The following IPPK variants were observed in gnomAD, a reference collection of about 807,000 sequenced individuals.
The protein encoded by IPPK is IPK1 homolog.
IPPK carries 22 observed loss-of-function variants against 64.6 expected under a neutral mutation model. The observed-to-expected ratio is 0.34, with a 90% CI of 0.24 to 0.49. The LOEUF (loss-of-function observed/expected upper bound fraction) is 0.49. IPPK is among the 20% of genes least tolerant of loss of function. IPPK has a pLI of 0.99. For synonymous variants in IPPK, 262 were observed against 247.2 expected (o/e 1.06, Z -0.56); for missense variants, 532 against 630.7 (o/e 0.84, Z 1.68).
chr9:92,668,259 C>T (rs1044564209), intron 1 of IPPK, among the ~76,000 whole-genome samples: 1 of 152,158 alleles, frequency 6.6e-6, no homozygotes, highest in Non-Finnish European at 1.5e-5. Context: ...CAGAGTGAGA[C>T]CCCGTTTCTA....
chr9:92,644,818 G>A (rs2131445073), intron 6 of IPPK, among the ~76,000 whole-genome samples: 1 of 152,174 alleles, frequency 6.6e-6, no homozygotes, highest in South Asian at 2.1e-4. Flanking sequence ...TTCCAGAGGG[G>A]CCACATTATA....
intron 6 of IPPK, 40 bp downstream of exon 6, chr9:92,648,019 G>A (rs200886920): frequency 1.6e-5 from 23 of 1,416,764 alleles, no homozygotes; most frequent in Admixed American, 7.1e-5. Context: ...GATCCCCAGC[G>A]TGCAGCTAGA....
At chr9:92,629,084 C>A (rs1259308436) in intron 11 of IPPK, among the ~76,000 whole-genome samples, 2 of 151,860 alleles carry the variant, frequency 1.3e-5, no homozygotes, top group African/African-American at 4.8e-5. Context: ...CAAGACCCGA[C>A]CCTGTCTCTG....
At position 92,644,487 on chromosome 9, in the gene IPPK, C is replaced by T. The variant is rs1174945793; in HGVS notation, c.505-1677G>A. On this transcript the variant is annotated intron_variant, in intron 6 of 12. Coordinates refer to ENST00000287996, the MANE Select transcript of IPPK (RefSeq NM_022755.6). ...CTTATTTGACCTGTCTCTGGGTTCC[C>T]GGAAAGATCACACTTGCAAGCGTTC... is the stretch of plus-strand genomic sequence containing the variant. Among the ~76,000 whole-genome samples the T allele has an allele frequency of 2.0e-5, 3 of 152,126 alleles. No individual in the cohort carries two copies. In the East Asian group the frequency reaches 5.8e-4, roughly 29 times the overall value.
chr9:92,636,365 C>T (rs1415335069), intron 9 of IPPK, among the ~76,000 whole-genome samples: 2 of 152,152 alleles, frequency 1.3e-5, no homozygotes, highest in African/African-American at 2.4e-5. Flanking sequence ...CTCCAGGCGC[C>T]GTGGCTTACG....
At chr9:92,669,708 G>C (rs1364800457) in intron 1 of IPPK, among the ~76,000 whole-genome samples, 200 bp downstream of exon 1, 1 of 151,900 alleles carries the variant, frequency 6.6e-6, no homozygotes, top group Non-Finnish European at 1.5e-5. Context: ...ACCCAGTAGA[G>C]AGGGGATACT....
chr9:92,653,656 C>G (rs1464002227), intron 3 of IPPK, among the ~76,000 whole-genome samples: 2 of 152,114 alleles, frequency 1.3e-5, no homozygotes. Flanking sequence ...TCAAGACCAG[C>G]CTGACCAACA....
At chr9:92,652,188 G>C (rs1055796569) in intron 4 of IPPK, among the ~76,000 whole-genome samples, 1 of 151,936 alleles carries the variant, frequency 6.6e-6, no homozygotes, top group Non-Finnish European at 1.5e-5. Context: ...GGTGGCTCAC[G>C]CCTATAATCC....
intron 6 of IPPK, among the ~76,000 whole-genome samples, chr9:92,647,854 G>T (rs1289896437): frequency 6.6e-6 from 1 of 152,124 alleles, no homozygotes; most frequent in Non-Finnish European, 1.5e-5. Context: ...TTGCATCACT[G>T]CACTCCAGCC....
intron 4 of IPPK, 106 bp from the exon 5 acceptor site, chr9:92,649,680 T>G: frequency 7.5e-7 from 1 of 1,325,284 alleles, no homozygotes; most frequent in South Asian, 1.3e-5. Flanking sequence ...GGGGCATCTC[T>G]GTACCTGATG....
intron 12 of IPPK, chr9:92,618,707 C>T (rs1197559549): frequency 5.3e-6 from 2 of 377,306 alleles, no homozygotes; most frequent in African/African-American, 4.2e-5. Flanking sequence ...TAATGTTCCT[C>T]AGTATTTCAT....
intron 10 of IPPK, among the ~76,000 whole-genome samples, 155 bp from the exon 11 acceptor site, chr9:92,634,643 A>T (rs978381403): frequency 1.3e-5 from 2 of 152,254 alleles, no homozygotes; most frequent in Non-Finnish European, 2.9e-5. Context: ...TTAAACATCA[A>T]GGTTTTTAAC....
At chr9:92,633,043 C>T (rs1851873919) in intron 11 of IPPK, among the ~76,000 whole-genome samples, 1 of 151,352 alleles carries the variant, frequency 6.6e-6, no homozygotes, top group Non-Finnish European at 1.5e-5. Flanking sequence ...TGGAGTCTCG[C>T]TCTGTCGCCC....
chr9:92,665,137 T>C (rs778323606), intron 1 of IPPK, among the ~76,000 whole-genome samples: 2 of 152,238 alleles, frequency 1.3e-5, no homozygotes, highest in African/African-American at 4.8e-5. Context: ...CCACATCAGC[T>C]GCGTCAGCCT....
chr9:92,644,886 G>C (rs1291617453), intron 6 of IPPK, among the ~76,000 whole-genome samples: 1 of 152,064 alleles, frequency 6.6e-6, no homozygotes, highest in Non-Finnish European at 1.5e-5. Context: ...AAACAAGAAA[G>C]TATTGCCCAT....
chr9:92,642,796 C>G lies in IPPK; in HGVS notation c.519G>C (p.Lys173Asn). 1 of 1,614,142 alleles carries G rather than the reference C, an allele frequency of 6.2e-7. No homozygotes were observed. The highest frequency in any genetic ancestry group is 8.5e-7 in the Non-Finnish European group (1 of 1,179,942). ...GACAGTATTTGCTGATCTGCTTCCA[C>G]TTCCCAGTTGCTACCTGTGAAAACA... The part of the protein sequence containing the change: ...MHQHLKVATG[K>N]WKQISKYCPL... The change falls in exon 7 of 13, where the codon AAG becomes AAC. Residue 173 changes from lysine (K) to asparagine (N), a missense_variant. Physicochemically the swap from Lys to Asn is moderately conservative, Grantham distance 94. Transcript: ENST00000287996.
intron 1 of IPPK, among the ~76,000 whole-genome samples, chr9:92,663,708 G>A (rs541951379): frequency 2.6e-5 from 4 of 152,344 alleles, no homozygotes; most frequent in Admixed American, 6.5e-5. Flanking sequence ...AACTACAAGA[G>A]CCTTTCAGGA....
intron 11 of IPPK, among the ~76,000 whole-genome samples, chr9:92,621,705 CGAG>C (rs1851636955): frequency 6.6e-6 from 1 of 151,882 alleles, no homozygotes; most frequent in Non-Finnish European, 1.5e-5. Context: ...TTATTAGAGA[CGAG>C]GTCTCGCTAT....
chr9:92,649,843 T>C (rs537197535), intron 4 of IPPK, among the ~76,000 whole-genome samples: 147 of 151,368 alleles, frequency 9.7e-4, no homozygotes, highest in African/African-American at 3.1e-3. Context: ...CTGGCCAACA[T>C]AGTGAAACCC....
Sources: allele counts gnomAD v4.1 joint callset (sites outside exome capture counted in the v4.1 genomes callset), GRCh38; gene constraint gnomAD v4.1.1; transcripts MANE v1.5; gene names NCBI Gene and HGNC (gene_info 2026-07-23, HGNC 2026-07-21).